The following RAB11FIP4 variants were observed in gnomAD, a reference collection of about 807,000 sequenced individuals.
The protein encoded by RAB11FIP4 is RAB11 family interacting protein 4.
A neutral mutation model predicts 74.3 loss-of-function variants in RAB11FIP4; 23 were observed. The ratio of observed to expected loss-of-function variants is 0.31; its 90% CI spans 0.22 to 0.44. The LOEUF is 0.44. Ranked by LOEUF, RAB11FIP4 falls within the 20% of genes least tolerant of loss-of-function variation. The pLI is 1.00. For synonymous variants in RAB11FIP4, 360 were observed against 359.9 expected, an observed-to-expected ratio of 1.00 and a Z score of 0.00; for missense variants, 630 against 863.9, an observed-to-expected ratio of 0.73 and a Z score of 3.39.
chr17:31,490,139 C>T (rs191982736), intron 3 of RAB11FIP4, among the ~76,000 whole-genome samples: 51 of 152,238 alleles, frequency 3.4e-4, no homozygotes, highest in African/African-American at 1.2e-3. Context: ...GCTTGAGATA[C>T]TCCACCGGCC....
At chr17:31,483,048 C>A (rs1357837493) in intron 3 of RAB11FIP4, among the ~76,000 whole-genome samples, 1 of 151,856 alleles carries the variant, frequency 6.6e-6, no homozygotes, top group Non-Finnish European at 1.5e-5. Context: ...CAAAAATTAG[C>A]CAGGCGTGGT....
intron 1 of RAB11FIP4, among the ~76,000 whole-genome samples, chr17:31,416,207 G>C (rs1162830872): frequency 6.6e-6 from 1 of 152,204 alleles, no homozygotes; most frequent in South Asian, 2.1e-4. Flanking sequence ...TTGCGGAGCT[G>C]GTCCTGGGCC....
intron 1 of RAB11FIP4, among the ~76,000 whole-genome samples, chr17:31,406,593 AT>A (rs1264656257): frequency 1.3e-5 from 2 of 152,234 alleles, no homozygotes; most frequent in Non-Finnish European, 2.9e-5. Context: ...GGTATTTCAC[AT>A]CTTGTTTACA....
chr17:31,513,455 G>A (rs1052522467), intron 3 of RAB11FIP4, among the ~76,000 whole-genome samples: 3 of 152,266 alleles, frequency 2.0e-5, no homozygotes, highest in South Asian at 4.1e-4. Flanking sequence ...CCAGGCCGGC[G>A]GGAGAAGGAG....
At chr17:31,400,793 C>T (rs928534837) in intron 1 of RAB11FIP4, among the ~76,000 whole-genome samples, 6 of 152,182 alleles carry the variant, frequency 3.9e-5, no homozygotes, top group Non-Finnish European at 7.4e-5. Context: ...CCTGTGAGAC[C>T]TGAGTGCAGC....
At chr17:31,473,320 G>T (rs1427009400) in intron 3 of RAB11FIP4, among the ~76,000 whole-genome samples, 1 of 151,180 alleles carries the variant, frequency 6.6e-6, no homozygotes, top group African/African-American at 2.4e-5. Flanking sequence ...CAGGTGGATT[G>T]CTTGAGGCCA....
intron 1 of RAB11FIP4, chr17:31,431,517 C>A: frequency 3.2e-6 from 1 of 312,364 alleles, no homozygotes; most frequent in Non-Finnish European, 5.9e-6. Flanking sequence ...TCGGCAGAGC[C>A]TCGGCTTTCA....
intron 9 of RAB11FIP4, chr17:31,524,365 C>G (rs1011716786): frequency 4.1e-6 from 1 of 246,694 alleles, no homozygotes; most frequent in Admixed American, 4.9e-5. Context: ...GTGAGCTGGG[C>G]GGTGGGAAGG....
At chr17:31,434,001 C>G in intron 2 of RAB11FIP4, 33 bp from the exon 3 acceptor site, 1 of 1,557,166 alleles carries the variant, frequency 6.4e-7, no homozygotes. Flanking sequence ...GGCTCAACCC[C>G]TCACTGTCCC....
intron 3 of RAB11FIP4, among the ~76,000 whole-genome samples, chr17:31,503,500 G>A (rs1347849061): frequency 6.7e-6 from 1 of 149,772 alleles, no homozygotes; most frequent in African/African-American, 2.6e-5. Context: ...GAGGAGGGTG[G>A]GCAAAGCCTG....
chr17:31,402,814 A>G (rs867756083), intron 1 of RAB11FIP4, among the ~76,000 whole-genome samples: 2 of 150,882 alleles, frequency 1.3e-5, no homozygotes, highest in Non-Finnish European at 3.0e-5. Context: ...TTTAGTAGAG[A>G]CGGGGTTTCA....
At chr17:31,471,246 G>A (rs923258532) in intron 3 of RAB11FIP4, among the ~76,000 whole-genome samples, 1 of 99,158 alleles carries the variant, frequency 1.0e-5, no homozygotes, top group African/African-American at 3.5e-5. Flanking sequence ...TTTTTTTTTT[G>A]TAGAGATAAG....
intron 1 of RAB11FIP4, among the ~76,000 whole-genome samples, chr17:31,395,857 A>G (rs1273723023): frequency 6.6e-6 from 1 of 152,118 alleles, no homozygotes; most frequent in African/African-American, 2.4e-5. Flanking sequence ...ATAGTTCCCT[A>G]CTTTGTTGAC....
At chr17:31,448,412 G>GTTTT (rs2071491257) in intron 3 of RAB11FIP4, 1 of 99,038 alleles carries the variant, frequency 1.0e-5, no homozygotes. Context: ...TTTTTTTTTT[G>GTTTT]GCAGAGACCG....
At chr17:31,518,235 A>C (rs1026776065) in intron 4 of RAB11FIP4, among the ~76,000 whole-genome samples, 4 of 152,012 alleles carry the variant, frequency 2.6e-5, no homozygotes, top group Admixed American at 2.6e-4. Flanking sequence ...GCTCACACCT[A>C]TAACCCCAGG....
In RAB11FIP4 at chr17:31,532,959, AC is replaced by A; in HGVS notation, c.*1228del. The A allele has an allele frequency of 6.6e-6, 1 of 152,316 alleles. No homozygotes were observed. The allele number at this position is 152,316 out of a possible 1,614,324, so 9.4% of individuals were successfully genotyped here. A position where few individuals can be genotyped will look rare whatever the true frequency, so the allele number is the denominator to read the frequency against. On this transcript the variant is annotated 3_prime_UTR_variant, in exon 15 of 15. Transcript: ENST00000621161. ...CTAGGCAGCTGGGAATAGACATGGT[AC>A]TTACCTTAGAGTTTTCCAATTTATC... is the stretch of plus-strand genomic sequence containing the variant.
intron 3 of RAB11FIP4, among the ~76,000 whole-genome samples, chr17:31,507,233 C>T (rs999479731): frequency 4.6e-5 from 7 of 152,144 alleles, no homozygotes; most frequent in East Asian, 1.9e-4. Context: ...GAGCCAAGAT[C>T]GTGCTATTGC....
chr17:31,516,704 G>T (rs1342913767), intron 3 of RAB11FIP4, among the ~76,000 whole-genome samples: 3 of 152,204 alleles, frequency 2.0e-5, no homozygotes, highest in African/African-American at 7.2e-5. Context: ...TCCTGACCTC[G>T]TGATCTGCCC....
intron 1 of RAB11FIP4, among the ~76,000 whole-genome samples, chr17:31,419,554 T>TG: frequency 7.6e-6 from 1 of 131,266 alleles, no homozygotes; most frequent in East Asian, 2.0e-4. Flanking sequence ...TTCTTTTTTC[T>TG]TTTTTTTTTT....
Sources: allele counts gnomAD v4.1 joint callset (sites outside exome capture counted in the v4.1 genomes callset), GRCh38; gene constraint gnomAD v4.1.1; transcripts MANE v1.5; gene names NCBI Gene and HGNC (gene_info 2026-07-23, HGNC 2026-07-21).